EREG: variants seen among roughly 807,000 people sequenced by gnomAD.
The protein encoded by EREG is epiregulin, also known as proepiregulin.
A neutral mutation model predicts 22.4 loss-of-function variants in EREG; 23 were observed. The ratio of observed to expected loss-of-function variants is 1.03; its 90% CI spans 0.74 to 1.46. The LOEUF (loss-of-function observed/expected upper bound fraction) is 1.46. Among genes scored for constraint, EREG ranks in the 40% most tolerant of loss-of-function variants. EREG has a pLI of 0.00. For synonymous variants in EREG, 100 were observed against 75.4 expected (o/e 1.33, Z -1.69); for missense variants, 226 against 205.9 (o/e 1.10, Z -0.60).
chr4:74,369,959 A>G (rs1032873109), intron 1 of EREG, among the ~76,000 whole-genome samples: 2 of 152,210 alleles, frequency 1.3e-5, no homozygotes, highest in Admixed American at 6.5e-5. Flanking sequence ...ACAAAAAAAA[A>G]AGCCTCATTT....
chr4:74,372,480 C>T (rs2110384639), intron 1 of EREG, among the ~76,000 whole-genome samples: 1 of 152,236 alleles, frequency 6.6e-6, no homozygotes, highest in South Asian at 2.1e-4. Context: ...CACAATGTGG[C>T]CATAATGAAA....
At position 74,386,874 on chromosome 4, in the gene EREG, C is replaced by T. The variant is rs1752578086; in HGVS notation, c.*2066C>T. 1 of 152,108 alleles carries T rather than the reference C, an allele frequency of 6.6e-6. No homozygotes were observed. The highest frequency in any genetic ancestry group is 2.4e-5 in the African/African-American group (1 of 41,392). The allele number at this position is 152,108 out of a possible 1,614,324, so 9.4% of individuals were successfully genotyped here. ...TGGCACGATCTCGGCTCACTGCAACCTCACCTCCCGGGTTCAAGAGATCCT... is the reference window on the plus strand; with the variant it reads ...TGGCACGATCTCGGCTCACTGCAACTTCACCTCCCGGGTTCAAGAGATCCT... On this transcript the variant is annotated 3_prime_UTR_variant, in exon 5 of 5. Transcript: ENST00000244869.
intron 1 of EREG, among the ~76,000 whole-genome samples, chr4:74,372,888 A>G (rs552991116): frequency 1.4e-5 from 2 of 140,944 alleles, no homozygotes; most frequent in Admixed American, 7.6e-5. Flanking sequence ...GCTCACTGCA[A>G]CCTCTGCTTC....
intron 2 of EREG, among the ~76,000 whole-genome samples, chr4:74,379,924 T>A (rs1328234011): frequency 6.6e-6 from 1 of 152,180 alleles, no homozygotes; most frequent in Admixed American, 6.5e-5. Context: ...TCTACCCCTC[T>A]CTCTCTCTTT....
chr4:74,370,853 G>T (rs1210023031), intron 1 of EREG, among the ~76,000 whole-genome samples: 2 of 152,184 alleles, frequency 1.3e-5, no homozygotes, highest in South Asian at 4.1e-4. Context: ...AGATAAGGCA[G>T]CTCAGTTGCA....
chr4:74,378,426 C>G (rs950509814), intron 1 of EREG, among the ~76,000 whole-genome samples: 3 of 152,140 alleles, frequency 2.0e-5, no homozygotes, highest in East Asian at 3.9e-4. Flanking sequence ...ATGTCATTAT[C>G]CCCCACGGTA....
chr4:74,370,736 G>T (rs1269261529), intron 1 of EREG, among the ~76,000 whole-genome samples: 1 of 152,124 alleles, frequency 6.6e-6, no homozygotes, highest in East Asian at 1.9e-4. Flanking sequence ...GACTGCCAGT[G>T]GCAGAAAGAG....
intron 1 of EREG, among the ~76,000 whole-genome samples, chr4:74,372,500 A>G (rs1329201231): frequency 1.3e-5 from 2 of 152,240 alleles, no homozygotes; most frequent in African/African-American, 4.8e-5. Flanking sequence ...AAGAAGGCAA[A>G]TTGCAGACAC....
chr4:74,378,844 G>C (rs750638937), intron 1 of EREG, among the ~76,000 whole-genome samples: 1 of 152,132 alleles, frequency 6.6e-6, no homozygotes, highest in Non-Finnish European at 1.5e-5. Context: ...GATAGAAACT[G>C]GATTCTAGGG....
chr4:74,371,031 C>G (rs1354650719), intron 1 of EREG, among the ~76,000 whole-genome samples: 1 of 152,054 alleles, frequency 6.6e-6, no homozygotes, highest in Non-Finnish European at 1.5e-5. Flanking sequence ...GGTCTCTACC[C>G]ACTAGATGTC....
Position 74,384,869 on chromosome 4 carries a change from AT to A in EREG, c.*65del. 1.1e-6 allele frequency: 1 copy of A among 909,954 alleles called. No homozygotes were observed. 56.4% of individuals were successfully genotyped at this position (909,954 alleles called of 1,614,324 possible). A position where few individuals can be genotyped will look rare whatever the true frequency, so the allele number is the denominator to read the frequency against. ...GTGCCTGGTTAATATTAATATTCCC[AT>A]TTTATTAATAATATTTATGTTGGGT... On this transcript the variant is annotated 3_prime_UTR_variant, in exon 5 of 5. Coordinates refer to ENST00000244869, the MANE Select transcript of EREG (RefSeq NM_001432.3).
At chr4:74,377,817 A>G (rs1752406621) in intron 1 of EREG, among the ~76,000 whole-genome samples, 1 of 152,132 alleles carries the variant, frequency 6.6e-6, no homozygotes, top group Non-Finnish European at 1.5e-5. Flanking sequence ...CTCACTCACT[A>G]TCCTGAGAAC....
At chr4:74,378,714 T>G (rs59107719) in intron 1 of EREG, among the ~76,000 whole-genome samples, 11,147 of 152,190 alleles carry the variant, frequency 0.073, 690 homozygotes, top group African/African-American at 0.17. Context: ...GGGTTCTTCT[T>G]ATGATGATTC....
chr4:74,368,450 A>G (rs1752227383), intron 1 of EREG, among the ~76,000 whole-genome samples: 1 of 152,118 alleles, frequency 6.6e-6, no homozygotes. Context: ...TATTCCTTGT[A>G]TTCTTTGTAT....
At position 74,384,908 on chromosome 4, in the gene EREG, C is replaced by A; in HGVS notation, c.*100C>A. On this transcript the variant is annotated 3_prime_UTR_variant, in exon 5 of 5. Transcript: ENST00000244869. ...ATTTATGTTGGGTCAAGTGTTAGGT[C>A]AATAACACTGTATTTTAATGTACTT... is the stretch of plus-strand genomic sequence containing the variant. 4.8e-6 allele frequency: 3 copies of A among 623,480 alleles called. No homozygotes were observed. In the South Asian group the frequency reaches 8.1e-5, roughly 17 times the overall value. The allele number at this position is 623,480 out of a possible 1,614,324, so 38.6% of individuals were successfully genotyped here.
chr4:74,376,002 G>A (rs1006578930), intron 1 of EREG, among the ~76,000 whole-genome samples: 1 of 152,180 alleles, frequency 6.6e-6, no homozygotes, highest in Non-Finnish European at 1.5e-5. Context: ...GGAGCGTCAC[G>A]AGTAAGGAAA....
rs1752608828 is a variant in EREG at position 74,388,447 on chromosome 4, T to C, written c.*3639T>C. 6.6e-6 allele frequency: 1 copy of C among 152,592 alleles called. No individual in the cohort carries two copies. Among genetic ancestry groups the C allele is most frequent in the African/African-American group, 2.4e-5 (1 of 41,454 alleles). The allele number at this position is 152,592 out of a possible 1,614,324, so 9.5% of individuals were successfully genotyped here. The stretch of plus-strand genomic sequence containing the variant: ...AATGTATTTTCTTTTTATTTTGCAC[T>C]CTGTAATTGCACTTTTTAAGTTTGA... On this transcript the variant is annotated 3_prime_UTR_variant, in exon 5 of 5. Coordinates refer to ENST00000244869, the MANE Select transcript of EREG (RefSeq NM_001432.3).
In EREG at chr4:74,385,905, G is replaced by A. The variant is rs1752561593; in HGVS notation, c.*1097G>A. On this transcript the variant is annotated 3_prime_UTR_variant, in exon 5 of 5. Transcript: ENST00000244869. The stretch of plus-strand genomic sequence containing the variant: ...GTATTTAAAGTTGTATCTTGACACA[G>A]GAAATGGGAAAAAACTTAAAAATTA... The A allele has an allele frequency of 2.5e-6, 1 of 396,284 alleles. No individual in the cohort carries two copies. Among genetic ancestry groups the A allele is most frequent in the Non-Finnish European group, 4.5e-6 (1 of 224,628 alleles). 24.5% of individuals were successfully genotyped at this position (396,284 alleles called of 1,614,324 possible).
intron 3 of EREG, chr4:74,381,923 T>TGAAGTG (rs1182417159): frequency 7.8e-6 from 1 of 127,764 alleles, no homozygotes; most frequent in African/African-American, 3.0e-5. Context: ...GGGTGGAGCT[T>TGAAGTG]GCAGTGAGCG....
Sources: gnomAD v4.1 joint callset for allele counts (sites outside exome capture counted in the v4.1 genomes callset) on GRCh38, gnomAD v4.1.1 for gene constraint, MANE v1.5 for transcripts, NCBI Gene and HGNC (gene_info 2026-07-23, HGNC 2026-07-21) for gene names.